SLC27A2: variants seen among roughly 807,000 people sequenced by gnomAD.
SLC27A2 encodes long-chain fatty acid transport protein 2.
SLC27A2 carries 54 observed loss-of-function variants against 60.0 expected under a neutral mutation model. The ratio of observed to expected loss-of-function variants is 0.90; its 90% CI spans 0.72 to 1.13. The LOEUF (loss-of-function observed/expected upper bound fraction) is 1.13, where lower values mean the gene tolerates loss of function less well. Ranked by LOEUF, SLC27A2 falls within the 50% of genes most tolerant of loss-of-function variation. The pLI is 0.00. For synonymous variants in SLC27A2, 297 were observed against 297.6 expected, an observed-to-expected ratio of 1.00 and a Z score of 0.02; for missense variants, 739 against 777.6, an observed-to-expected ratio of 0.95 and a Z score of 0.59.
intron 4 of SLC27A2, among the ~76,000 whole-genome samples, chr15:50,211,374 G>A (rs1428075827): frequency 2.0e-5 from 3 of 152,184 alleles, no homozygotes; most frequent in Admixed American, 2.0e-4. Context: ...AGACCCAGAA[G>A]AGAGACAACA....
intron 2 of SLC27A2, among the ~76,000 whole-genome samples, chr15:50,201,834 C>T (rs1024468641): frequency 5.9e-5 from 9 of 152,058 alleles, no homozygotes; most frequent in African/African-American, 2.2e-4. Flanking sequence ...GGATTACAGG[C>T]GTGAGCCACC....
intron 1 of SLC27A2, among the ~76,000 whole-genome samples, chr15:50,185,953 T>C (rs1287996525): frequency 6.6e-6 from 1 of 151,864 alleles, no homozygotes; most frequent in Non-Finnish European, 1.5e-5. Context: ...AAAAACATTC[T>C]GAGGCTGGAC....
chr15:50,216,894 C>T (rs540619723), intron 4 of SLC27A2, among the ~76,000 whole-genome samples: 31 of 143,742 alleles, frequency 2.2e-4, no homozygotes, highest in African/African-American at 7.7e-4. Flanking sequence ...TATATATATT[C>T]CAAAAAATAT....
At chr15:50,190,949 A>G (rs943194644) in intron 1 of SLC27A2, 5 of 152,204 alleles carry the variant, frequency 3.3e-5, no homozygotes, top group African/African-American at 1.2e-4. Context: ...ACATGATTGA[A>G]CAAGCACTGA....
Position 50,182,250 on chromosome 15 carries a change from C to T in SLC27A2, c.-178C>T. On this transcript the variant is annotated 5_prime_UTR_variant, in exon 1 of 10. Coordinates refer to ENST00000267842, the MANE Select transcript of SLC27A2 (RefSeq NM_003645.4). ...ATACGACTACACCTGCTCCGGAGCC[C>T]GCGGCGGTACCTGCAGCGGAGGAGC... 9.6e-7 allele frequency: 1 copy of T among 1,044,470 alleles called. No individual in the cohort carries two copies. Among genetic ancestry groups the T allele is most frequent in the Non-Finnish European group, 1.2e-6 (1 of 807,424 alleles). The allele number at this position is 1,044,470 out of a possible 1,614,324, so 64.7% of individuals were successfully genotyped here. A position where few individuals can be genotyped will look rare whatever the true frequency, so the allele number is the denominator to read the frequency against.
intron 2 of SLC27A2, 151 bp from the exon 3 acceptor site, chr15:50,202,336 C>T (rs74014938): frequency 0.031 from 21,716 of 694,224 alleles, 674 homozygotes; most frequent in African/African-American, 0.12. Context: ...TTATAGAAAA[C>T]ATTTGTCAAC....
At chr15:50,233,122 T>G (rs1023406841) in intron 8 of SLC27A2, among the ~76,000 whole-genome samples, 2 of 152,178 alleles carry the variant, frequency 1.3e-5, no homozygotes, top group South Asian at 2.1e-4. Context: ...GGAGAGCACA[T>G]CCTCTTGGGA....
Position 50,182,288 on chromosome 15 carries a change from T to C in SLC27A2, c.-140T>C. The C allele has an allele frequency of 7.8e-7, 1 of 1,277,334 alleles. No individual in the cohort carries two copies. The highest frequency in any genetic ancestry group is 1.6e-5 in the African/African-American group (1 of 63,598). The allele number at this position is 1,277,334 out of a possible 1,614,324, so 79.1% of individuals were successfully genotyped here. A position where few individuals can be genotyped will look rare whatever the true frequency, so the allele number is the denominator to read the frequency against. ...GCAGCGGAGGAGCTCTGTCTTCCCCTTCATCTCACGCGAGCCCGGCGTCCC... is the reference window on the plus strand; with the variant it reads ...GCAGCGGAGGAGCTCTGTCTTCCCCCTCATCTCACGCGAGCCCGGCGTCCC... On this transcript the variant is annotated 5_prime_UTR_variant, in exon 1 of 10. Transcript: ENST00000267842.
At chr15:50,191,410 T>G (rs987458159) in intron 1 of SLC27A2, among the ~76,000 whole-genome samples, 5 of 152,206 alleles carry the variant, frequency 3.3e-5, no homozygotes, top group Non-Finnish European at 1.5e-5. Context: ...CACCCCAGCC[T>G]GAGTCCATTG....
intron 2 of SLC27A2, among the ~76,000 whole-genome samples, chr15:50,199,318 C>T (rs2045046966): frequency 6.6e-6 from 1 of 151,426 alleles, no homozygotes. Context: ...ACTAAAAGTA[C>T]AAAAAATTAG....
chr15:50,236,168 T>A lies in SLC27A2; in HGVS notation c.*72T>A, dbSNP rs146221410. 6,715 of 1,296,134 alleles carry A rather than the reference T, an allele frequency of 5.2e-3. 29 individuals carry two copies. Among genetic ancestry groups the A allele is most frequent in the Non-Finnish European group, 6.4e-3 (6,093 of 957,386 alleles). 80.3% of individuals were successfully genotyped at this position (1,296,134 alleles called of 1,614,324 possible). A position where few individuals can be genotyped will look rare whatever the true frequency, so the allele number is the denominator to read the frequency against. On this transcript the variant is annotated 3_prime_UTR_variant, in exon 10 of 10. Coordinates refer to ENST00000267842, the MANE Select transcript of SLC27A2 (RefSeq NM_003645.4). The stretch of plus-strand genomic sequence containing the variant: ...GACAGCCACTTGATATAATCCAACT[T>A]TAATTTGATTGAAGATTGTGAGGAA...
Position 50,205,262 on chromosome 15 carries a change from A to G in SLC27A2, c.871A>G (p.Lys291Glu), listed in dbSNP as rs770356364. 3.1e-6 allele frequency: 5 copies of G among 1,608,198 alleles called. No homozygotes were observed. In the East Asian group the frequency reaches 8.9e-5, roughly 29 times the overall value. Residue 291 changes from lysine to glutamate, a missense_variant, in exon 4 of 10, where the codon AAA becomes GAA. By Grantham distance (56) the Lys-to-Glu change is moderately conservative. Coordinates refer to ENST00000267842, the MANE Select transcript of SLC27A2 (RefSeq NM_003645.4). Reference protein sequence around the residue: ...VAGATLALRTKFSASQFWDDC... With the variant: ...VAGATLALRTEFSASQFWDDC... ...AGGTGCTACTCTTGCCTTGCGGACTAAATTTTCAGCCAGCCAGTTTTGGGA... is the reference window on the plus strand; with the variant it reads ...AGGTGCTACTCTTGCCTTGCGGACTGAATTTTCAGCCAGCCAGTTTTGGGA...
intron 8 of SLC27A2, among the ~76,000 whole-genome samples, chr15:50,231,520 AACAC>A (rs958545653): frequency 5.3e-5 from 8 of 152,182 alleles, no homozygotes; most frequent in African/African-American, 1.9e-4. Context: ...TTTAAAAAAA[AACAC>A]ACACACTGAA....
intron 9 of SLC27A2, among the ~76,000 whole-genome samples, chr15:50,234,750 C>T (rs1483309827): frequency 6.6e-6 from 1 of 151,962 alleles, no homozygotes; most frequent in Non-Finnish European, 1.5e-5. Context: ...CAGAGCAAGG[C>T]CCAGTCTAAA....
chr15:50,226,148 C>T, intron 6 of SLC27A2, 70 bp downstream of exon 6: 1 of 928,730 alleles, frequency 1.1e-6, no homozygotes, highest in South Asian at 1.4e-5. Flanking sequence ...TAAGGACTAA[C>T]ATATTATTGC....
rs911464240 is a variant in SLC27A2, at chr15:50,182,262, T to A, written c.-166T>A. ...CTGCTCCGGAGCCCGCGGCGGTACC[T>A]GCAGCGGAGGAGCTCTGTCTTCCCC... On this transcript the variant is annotated 5_prime_UTR_variant, in exon 1 of 10. Coordinates refer to ENST00000267842, the MANE Select transcript of SLC27A2 (RefSeq NM_003645.4). The A allele has an allele frequency of 8.9e-7, 1 of 1,125,876 alleles. No individual in the cohort carries two copies. The highest frequency in any genetic ancestry group is 1.6e-5 in the African/African-American group (1 of 60,960). 69.7% of individuals were successfully genotyped at this position (1,125,876 alleles called of 1,614,324 possible). A position where few individuals can be genotyped will look rare whatever the true frequency, so the allele number is the denominator to read the frequency against.
At chr15:50,197,842 C>A (rs17848320) in intron 2 of SLC27A2, 133 bp downstream of exon 2, 32 of 660,696 alleles carry the variant, frequency 4.8e-5, no homozygotes, top group South Asian at 1.3e-4. Context: ...TATTTGCCTG[C>A]GGGAACTGAT....
intron 1 of SLC27A2, among the ~76,000 whole-genome samples, chr15:50,193,689 T>C (rs563891322): frequency 9.3e-4 from 141 of 152,356 alleles, no homozygotes; most frequent in African/African-American, 3.3e-3. Context: ...TCTGAATCCT[T>C]TAAGCAGCTT....
intron 1 of SLC27A2, among the ~76,000 whole-genome samples, chr15:50,191,932 C>T (rs2044977466): frequency 6.6e-6 from 1 of 151,894 alleles, no homozygotes; most frequent in Admixed American, 6.6e-5. Context: ...TGGTGACAGC[C>T]GCCTGTAATC....
Sources: gnomAD v4.1 joint callset for allele counts (sites outside exome capture counted in the v4.1 genomes callset) on GRCh38, gnomAD v4.1.1 for gene constraint, MANE v1.5 for transcripts, NCBI Gene and HGNC (gene_info 2026-07-23, HGNC 2026-07-21) for gene names.